CFAP47: variants seen among roughly 807,000 people sequenced by gnomAD.
CFAP47 encodes cilia and flagella associated protein 47.
CFAP47 carries 29 observed loss-of-function variants against 148.1 expected under a neutral mutation model. The ratio of observed to expected loss-of-function variants is 0.20; its 90% CI spans 0.15 to 0.27. The LOEUF (loss-of-function observed/expected upper bound fraction) is 0.27. Among genes scored for constraint, CFAP47 ranks in the 10% least tolerant of loss-of-function variants. The pLI, the probability that CFAP47 is intolerant of heterozygous loss-of-function variation, is 1.00. For synonymous variants in CFAP47, 664 were observed against 577.3 expected, an observed-to-expected ratio of 1.15 and a Z score of -2.15; for missense variants, 1,872 against 1,697.5, an observed-to-expected ratio of 1.10 and a Z score of -1.81.
intron 1 of CFAP47, among the ~76,000 whole-genome samples, chrX:35,922,335 T>C (rs1935591485): frequency 8.9e-6 from 1 of 112,495 alleles, no homozygotes; most frequent in South Asian, 3.6e-4. Context: ...ACATTCCTTA[T>C]AGTTTGAATT....
intron 16 of CFAP47, among the ~76,000 whole-genome samples, chrX:35,990,383 C>T (rs1936774849): frequency 9.0e-6 from 1 of 111,156 alleles, no homozygotes; most frequent in Admixed American, 9.6e-5. Flanking sequence ...GCTTGCTTTC[C>T]TGAAAAATCG....
At chrX:36,296,651 A>G (rs1941245102) in intron 51 of CFAP47, among the ~76,000 whole-genome samples, 1 of 112,400 alleles carries the variant, frequency 8.9e-6, no homozygotes, top group African/African-American at 3.2e-5. Flanking sequence ...CTTCTATGAC[A>G]GGCTATAACA....
chrX:36,253,825 T>C (rs1453638330), intron 49 of CFAP47, among the ~76,000 whole-genome samples: 2 of 111,489 alleles, frequency 1.8e-5, no homozygotes, highest in African/African-American at 6.5e-5. Context: ...CCAGTCCAGA[T>C]ACCACAGCCC....
chrX:36,232,809 G>A (rs1334747443), intron 46 of CFAP47, among the ~76,000 whole-genome samples: 1 of 111,780 alleles, frequency 8.9e-6, no homozygotes, highest in Non-Finnish European at 1.9e-5. Flanking sequence ...ATTCTGGTAT[G>A]TTGTGTCTTT....
intron 40 of CFAP47, among the ~76,000 whole-genome samples, chrX:36,186,473 AATGCTCTCTAGTTTTCATG>A (rs1939808042): frequency 8.9e-6 from 1 of 111,771 alleles, no homozygotes; most frequent in Admixed American, 9.5e-5. Context: ...TCTAAAACTT[AATGCTCTCTAGTTTTCATG>A]ATGCATGTGG....
chrX:36,233,322 AG>A (rs1940398285), intron 46 of CFAP47, among the ~76,000 whole-genome samples: 1 of 111,843 alleles, frequency 8.9e-6, no homozygotes, highest in Admixed American at 9.5e-5. Context: ...ATATATATTT[AG>A]GATAGTTAGC....
At chrX:36,026,356 T>C (rs1402466710) in intron 22 of CFAP47, among the ~76,000 whole-genome samples, 1 of 111,806 alleles carries the variant, frequency 8.9e-6, no homozygotes, top group Non-Finnish European at 1.9e-5. Context: ...TACATATACA[T>C]AGTGAAATGA....
intron 25 of CFAP47, among the ~76,000 whole-genome samples, chrX:36,042,885 T>G (rs1209528987): frequency 9.0e-6 from 1 of 111,585 alleles, no homozygotes; most frequent in Non-Finnish European, 1.9e-5. Flanking sequence ...AAGAATAAGA[T>G]GGGAAGTGCT....
At chrX:35,971,398 G>C (rs1432046325) in intron 11 of CFAP47, among the ~76,000 whole-genome samples, 188 bp from the exon 12 acceptor site, 1 of 111,423 alleles carries the variant, frequency 9.0e-6, no homozygotes, top group African/African-American at 3.3e-5. Context: ...TAATTTCCTC[G>C]ATGAGATGTT....
At chrX:36,117,846 GT>G (rs932603344) in intron 33 of CFAP47, among the ~76,000 whole-genome samples, 1 of 111,488 alleles carries the variant, frequency 9.0e-6, no homozygotes, top group Non-Finnish European at 1.9e-5. Context: ...TTTTCCTTAA[GT>G]TTTTTTGTAG....
chrX:36,052,607 G>A (rs1293399550), intron 26 of CFAP47, among the ~76,000 whole-genome samples: 1 of 111,817 alleles, frequency 8.9e-6, no homozygotes, highest in Non-Finnish European at 1.9e-5. Flanking sequence ...TTAAAACTGA[G>A]AATATACAGC....
intron 49 of CFAP47, among the ~76,000 whole-genome samples, chrX:36,261,520 T>C (rs376530469): frequency 9.5e-6 from 1 of 104,946 alleles, no homozygotes; most frequent in Admixed American, 1.0e-4. Context: ...TAGGGAGTGG[T>C]GATGACTCTT....
intron 33 of CFAP47, among the ~76,000 whole-genome samples, chrX:36,115,896 T>A (rs1055516635): frequency 8.9e-6 from 1 of 111,896 alleles, no homozygotes; most frequent in African/African-American, 3.2e-5. Context: ...GTTTTTCATC[T>A]GGAGATAAAG....
At chrX:36,357,611 A>G (rs188553289) in intron 60 of CFAP47, among the ~76,000 whole-genome samples, 2 of 112,070 alleles carry the variant, frequency 1.8e-5, no homozygotes, top group East Asian at 5.6e-4. Flanking sequence ...CACCTGTACT[A>G]TTTACATCAA....
At chrX:36,194,268 A>G (rs895982591) in intron 42 of CFAP47, among the ~76,000 whole-genome samples, 2 of 111,466 alleles carry the variant, frequency 1.8e-5, no homozygotes, top group African/African-American at 6.5e-5. Context: ...CAAGGGACTC[A>G]CATTCCAGTT....
chrX:36,159,622 A>G, intron 38 of CFAP47, 46 bp downstream of exon 38: 1 of 294,883 alleles, frequency 3.4e-6, no homozygotes, highest in Non-Finnish European at 5.9e-6. Context: ...TTATCAGACC[A>G]TGAAGTATCA....
chrX:36,138,576 C>G, intron 35 of CFAP47, 112 bp downstream of exon 35: 1 of 814,419 alleles, frequency 1.2e-6, no homozygotes. Context: ...TTGAAACAGG[C>G]TTTTGATGAG....
At chrX:36,101,582 G>T (rs907464738) in intron 32 of CFAP47, among the ~76,000 whole-genome samples, 1 of 111,668 alleles carries the variant, frequency 9.0e-6, no homozygotes, top group Non-Finnish European at 1.9e-5. Flanking sequence ...TCCTCATCTG[G>T]ATTCTCAAGT....
intron 26 of CFAP47, among the ~76,000 whole-genome samples, chrX:36,060,025 T>C (rs1477155452): frequency 9.0e-6 from 1 of 111,251 alleles, no homozygotes; most frequent in Non-Finnish European, 1.9e-5. Flanking sequence ...TCTTTGCCTT[T>C]CACCATGAAT....
Sources: allele counts gnomAD v4.1 joint callset (sites outside exome capture counted in the v4.1 genomes callset), GRCh38; gene constraint gnomAD v4.1.1; transcripts MANE v1.5; gene names NCBI Gene and HGNC (gene_info 2026-07-23, HGNC 2026-07-21).